Variants in PCDH9 observed in about 807,000 individuals in gnomAD.
PCDH9 encodes the protein protocadherin 9, also known as protocadherin-9.
In PCDH9, 24 loss-of-function variants were observed where a neutral mutation model predicts 70.6. That is an observed-to-expected ratio of 0.34 (90% CI 0.25 to 0.48). The LOEUF (loss-of-function observed/expected upper bound fraction) is 0.48, where lower values mean the gene tolerates loss of function less well. Among genes scored for constraint, PCDH9 ranks in the 20% least tolerant of loss-of-function variants. The probability of loss-of-function intolerance (pLI) is 0.99; values close to 1 mark genes in which losing one functional copy is unlikely to be tolerated. For synonymous variants in PCDH9, 562 were observed against 558.5 expected (o/e 1.01, Z -0.09); for missense variants, 1,281 against 1,503.6 (o/e 0.85, Z 2.45).
intron 4 of PCDH9, among the ~76,000 whole-genome samples, chr13:66,330,507 G>A (rs1168805537): frequency 6.6e-6 from 1 of 152,102 alleles, no homozygotes; most frequent in Non-Finnish European, 1.5e-5. Flanking sequence ...ATAGCCCACT[G>A]GACAGATTTG....
chr13:66,616,068 C>T (rs926998317), intron 4 of PCDH9, among the ~76,000 whole-genome samples: 4 of 152,214 alleles, frequency 2.6e-5, no homozygotes, highest in Admixed American at 2.6e-4. Context: ...AATGGTGAAA[C>T]AGGCCTCATA....
At chr13:66,822,967 CTA>C (rs1307752043) in intron 3 of PCDH9, among the ~76,000 whole-genome samples, 2 of 151,864 alleles carry the variant, frequency 1.3e-5, no homozygotes, top group African/African-American at 2.4e-5. Context: ...GTATAAAACT[CTA>C]TTTTAAAATG....
intron 4 of PCDH9, among the ~76,000 whole-genome samples, chr13:66,361,561 G>A (rs1956471321): frequency 6.6e-6 from 1 of 151,818 alleles, no homozygotes; most frequent in African/African-American, 2.4e-5. Flanking sequence ...GATATCTCAG[G>A]TGTCAGAAAA....
chr13:66,658,425 A>G (rs6562464), intron 3 of PCDH9, among the ~76,000 whole-genome samples: 87,037 of 151,862 alleles, frequency 0.57, 25,309 homozygotes, highest in African/African-American at 0.66. Context: ...TAAGGGTAAT[A>G]TTTAGTCATG....
chr13:66,583,725 G>A (rs934027353), intron 4 of PCDH9, among the ~76,000 whole-genome samples: 17 of 152,080 alleles, frequency 1.1e-4, no homozygotes, highest in African/African-American at 4.1e-4. Context: ...AATACTCCAC[G>A]GAAAAGCGTA....
intron 3 of PCDH9, among the ~76,000 whole-genome samples, chr13:66,742,613 C>A (rs1226887398): frequency 3.2e-5 from 4 of 124,708 alleles, no homozygotes; most frequent in Non-Finnish European, 6.7e-5. Flanking sequence ...GGGCTAATAT[C>A]CAGAATCTAC....
intron 2 of PCDH9, among the ~76,000 whole-genome samples, chr13:66,918,403 T>C (rs777053218): frequency 2.0e-5 from 3 of 151,394 alleles, no homozygotes; most frequent in African/African-American, 4.8e-5. Context: ...GTGTTCAACA[T>C]TGACTTTTAT....
chr13:66,448,418 T>G (rs905323643), intron 4 of PCDH9, among the ~76,000 whole-genome samples: 5 of 152,198 alleles, frequency 3.3e-5, no homozygotes, highest in African/African-American at 4.8e-5. Context: ...GTGTTAGTTC[T>G]TTTCACTACA....
At chr13:66,450,619 T>C (rs761236885) in intron 4 of PCDH9, among the ~76,000 whole-genome samples, 1 of 152,222 alleles carries the variant, frequency 6.6e-6, no homozygotes, top group Non-Finnish European at 1.5e-5. Context: ...CAATGGCGTT[T>C]TCAAGTGGAG....
chr13:66,401,312 A>ATAGTGAGT (rs894662363), intron 4 of PCDH9, among the ~76,000 whole-genome samples: 1 of 151,714 alleles, frequency 6.6e-6, no homozygotes, highest in African/African-American at 2.4e-5. Flanking sequence ...TCTTCTCGTG[A>ATAGTGAGT]TAGTGAGTGA....
intron 3 of PCDH9, among the ~76,000 whole-genome samples, chr13:66,823,733 A>G (rs1314756073): frequency 8.5e-5 from 13 of 152,268 alleles, no homozygotes; most frequent in African/African-American, 2.9e-4. Context: ...TGGTGCTATA[A>G]ATTAAATATT....
At chr13:66,719,577 A>G (rs1454190579) in intron 3 of PCDH9, among the ~76,000 whole-genome samples, 1 of 152,160 alleles carries the variant, frequency 6.6e-6, no homozygotes, top group Non-Finnish European at 1.5e-5. Context: ...TGAAAACTAA[A>G]TATCTGTTTT....
At chr13:66,577,697 A>G (rs1284369173) in intron 4 of PCDH9, among the ~76,000 whole-genome samples, 4 of 152,014 alleles carry the variant, frequency 2.6e-5, no homozygotes. Context: ...GATTGCTTTC[A>G]TATTTTCTTA....
At chr13:66,583,096 T>G (rs2076914959) in intron 4 of PCDH9, among the ~76,000 whole-genome samples, 1 of 149,300 alleles carries the variant, frequency 6.7e-6, no homozygotes, top group Admixed American at 6.7e-5. Flanking sequence ...AAATTGTATG[T>G]GCATGCTTTT....
intron 3 of PCDH9, among the ~76,000 whole-genome samples, chr13:66,870,860 C>A (rs2081665040): frequency 6.6e-6 from 1 of 152,050 alleles, no homozygotes; most frequent in Non-Finnish European, 1.5e-5. Flanking sequence ...ACTAGAAATA[C>A]CATTTGACCC....
chr13:66,836,681 G>A (rs960601785), intron 3 of PCDH9, among the ~76,000 whole-genome samples: 1 of 152,110 alleles, frequency 6.6e-6, no homozygotes, highest in African/African-American at 2.4e-5. Context: ...CTATATTGTT[G>A]TCTAGAAGAG....
chr13:67,194,827 T>G (rs910312772), intron 2 of PCDH9, among the ~76,000 whole-genome samples: 27 of 152,134 alleles, frequency 1.8e-4, no homozygotes, highest in African/African-American at 4.1e-4. Flanking sequence ...ACTCAGCAGT[T>G]AGAGTAGATG....
intron 3 of PCDH9, among the ~76,000 whole-genome samples, chr13:66,802,746 T>G (rs553510513): frequency 6.6e-6 from 1 of 152,254 alleles, no homozygotes; most frequent in South Asian, 2.1e-4. Context: ...CAACTGAGAA[T>G]AACAAAAAAT....
chr13:67,213,141 G>A (rs1485905210), intron 2 of PCDH9: 1 of 140,706 alleles, frequency 7.1e-6, no homozygotes, highest in Non-Finnish European at 1.5e-5. Context: ...AACCCGGGAG[G>A]CGGAGCTTGC....
Sources: allele counts gnomAD v4.1 joint callset (sites outside exome capture counted in the v4.1 genomes callset), GRCh38; gene constraint gnomAD v4.1.1; transcripts MANE v1.5; gene names NCBI Gene and HGNC (gene_info 2026-07-23, HGNC 2026-07-21).